TGFBR3: variants seen among roughly 807,000 people sequenced by gnomAD.
TGFBR3 encodes the protein transforming growth factor beta receptor 3, also known as transforming growth factor beta receptor type 3.
In TGFBR3, 46 loss-of-function variants were observed where a neutral mutation model predicts 87.9. The observed-to-expected ratio is 0.52, with a 90% CI of 0.41 to 0.67. The LOEUF is 0.67. Ranked by LOEUF, TGFBR3 falls within the 30% of genes least tolerant of loss-of-function variation. The pLI, the probability that TGFBR3 is intolerant of heterozygous loss-of-function variation, is 0.00. For missense variants in TGFBR3, 866 were observed against 1,041.9 expected, an observed-to-expected ratio of 0.83 and a Z score of 2.32; for synonymous variants, 381 against 391.6, an observed-to-expected ratio of 0.97 and a Z score of 0.32.
chr1:91,794,152 C>T lies in TGFBR3; in HGVS notation c.246+3135G>A, dbSNP rs1354199739. On this transcript the variant is annotated intron_variant, in intron 3 of 16. Coordinates refer to ENST00000212355, the MANE Select transcript of TGFBR3 (RefSeq NM_003243.5). ...ACAATTCAACAGTTTTTAGTATATT[C>T]ACAGAATTGTGCAACCATTAAAATT... 3.3e-5 allele frequency among the ~76,000 whole-genome samples: 5 copies of T among 152,052 alleles called. No individual in the cohort carries two copies. In the East Asian group the frequency reaches 9.6e-4, roughly 29 times the overall value.
chr1:91,802,681 C>T (rs923397121), intron 2 of TGFBR3, among the ~76,000 whole-genome samples: 1 of 152,058 alleles, frequency 6.6e-6, no homozygotes, highest in Non-Finnish European at 1.5e-5. Flanking sequence ...TTTCTAAGCT[C>T]CAGGCCTGAA....
intron 5 of TGFBR3, among the ~76,000 whole-genome samples, chr1:91,732,820 A>C (rs1304552016): frequency 1.3e-5 from 2 of 152,200 alleles, no homozygotes; most frequent in Non-Finnish European, 2.9e-5. Context: ...GCACAGGCTG[A>C]ACCAGTTAAG....
chr1:91,787,392 A>G (rs534684451), intron 3 of TGFBR3, among the ~76,000 whole-genome samples: 1 of 152,308 alleles, frequency 6.6e-6, no homozygotes, highest in African/African-American at 2.4e-5. Flanking sequence ...TAACTCACCC[A>G]GGGTCACACA....
intron 2 of TGFBR3, chr1:91,801,093 AAAAAAAAG>A: frequency 4.5e-6 from 1 of 223,376 alleles, no homozygotes; most frequent in Non-Finnish European, 8.9e-6. Flanking sequence ...CAAAAAAAAA[AAAAAAAAG>A]AGAGAGAGAG....
At chr1:91,710,271 C>A (rs1482859769) in intron 13 of TGFBR3, among the ~76,000 whole-genome samples, 1 of 152,116 alleles carries the variant, frequency 6.6e-6, no homozygotes, top group Non-Finnish European at 1.5e-5. Flanking sequence ...CCTACTCTTA[C>A]CCCCTCAAAA....
chr1:91,892,482 C>T (rs867436336), intron 2 of TGFBR3, among the ~76,000 whole-genome samples: 6 of 152,122 alleles, frequency 3.9e-5, no homozygotes, highest in Admixed American at 1.3e-4. Flanking sequence ...AAGGGGCACC[C>T]GGAACATATA....
chr1:91,799,847 T>C (rs1675534520), intron 2 of TGFBR3, among the ~76,000 whole-genome samples: 1 of 151,820 alleles, frequency 6.6e-6, no homozygotes, highest in South Asian at 2.1e-4. Context: ...TGGAAACAAA[T>C]CAAATAATAA....
intron 3 of TGFBR3, among the ~76,000 whole-genome samples, chr1:91,795,824 A>G (rs1362290457): frequency 1.3e-5 from 2 of 152,242 alleles, no homozygotes; most frequent in African/African-American, 4.8e-5. Context: ...AGTTGCAGCA[A>G]CAATGGCAAG....
At chr1:91,886,270 G>T (rs576147464), upstream of TGFBR3, 1,021 of 426,562 alleles carry the variant, frequency 2.4e-3, 5 homozygotes, top group Admixed American at 5.1e-3. Flanking sequence ...CGGCCCCACC[G>T]GGGGCTCTCG....
At chr1:91,700,251 C>G (rs1480199464) in intron 14 of TGFBR3, among the ~76,000 whole-genome samples, 3 of 152,204 alleles carry the variant, frequency 2.0e-5, no homozygotes, top group Non-Finnish European at 2.9e-5. Context: ...ACATGTTTAG[C>G]ACCTCTCTTT....
At chr1:91,759,246 C>T (rs1339834643) in intron 3 of TGFBR3, among the ~76,000 whole-genome samples, 1 of 151,974 alleles carries the variant, frequency 6.6e-6, no homozygotes, top group African/African-American at 2.4e-5. Flanking sequence ...AGAAAAGTGC[C>T]GAAAGCTGAG....
intron 3 of TGFBR3, among the ~76,000 whole-genome samples, chr1:91,774,847 A>T (rs2100943867): frequency 6.6e-6 from 1 of 152,366 alleles, no homozygotes; most frequent in East Asian, 1.9e-4. Flanking sequence ...AATAGAGAAA[A>T]GAGTGAAATC....
chr1:91,823,384 A>C (rs1676521250), intron 2 of TGFBR3, among the ~76,000 whole-genome samples: 1 of 152,228 alleles, frequency 6.6e-6, no homozygotes, highest in Non-Finnish European at 1.5e-5. Context: ...TTACTCAAGA[A>C]AACTGAGGAC....
At chr1:91,897,285 C>T (rs1254919113) in intron 2 of TGFBR3, among the ~76,000 whole-genome samples, 4 of 152,096 alleles carry the variant, frequency 2.6e-5, no homozygotes, top group South Asian at 2.1e-4. Flanking sequence ...GGGACAGCAT[C>T]GACATATTTT....
intron 1 of TGFBR3, among the ~76,000 whole-genome samples, chr1:91,878,492 T>A (rs981965414): frequency 2.6e-5 from 4 of 152,110 alleles, no homozygotes; most frequent in African/African-American, 9.7e-5. Context: ...ATTCATCAAG[T>A]TTCCATTAGC....
At chr1:91,820,135 T>C (rs1219289615) in intron 2 of TGFBR3, among the ~76,000 whole-genome samples, 2 of 152,240 alleles carry the variant, frequency 1.3e-5, no homozygotes, top group African/African-American at 4.8e-5. Context: ...TCAGAGGGTG[T>C]AGTCATTCAA....
chr1:91,741,692 G>A (rs1673162481), intron 4 of TGFBR3, among the ~76,000 whole-genome samples: 1 of 152,140 alleles, frequency 6.6e-6, no homozygotes, highest in African/African-American at 2.4e-5. Flanking sequence ...CAGAGATGAT[G>A]AGGGTTGGAG....
chr1:91,739,864 C>T (rs567007744), intron 4 of TGFBR3, among the ~76,000 whole-genome samples: 3 of 152,204 alleles, frequency 2.0e-5, no homozygotes, highest in Admixed American at 6.5e-5. Context: ...AGGAAGCAGG[C>T]GTGACTTATA....
At chr1:91,771,433 G>A (rs927062498) in intron 3 of TGFBR3, among the ~76,000 whole-genome samples, 2 of 152,192 alleles carry the variant, frequency 1.3e-5, no homozygotes, top group Admixed American at 6.5e-5. Context: ...GGCCGGACAC[G>A]GTGGCTCACG....
Sources: gnomAD v4.1 joint callset for allele counts (sites outside exome capture counted in the v4.1 genomes callset) on GRCh38, gnomAD v4.1.1 for gene constraint, MANE v1.5 for transcripts, NCBI Gene and HGNC (gene_info 2026-07-23, HGNC 2026-07-21) for gene names.